The following FRAS1 variants were observed in gnomAD, a reference collection of about 807,000 sequenced individuals.
FRAS1 encodes the protein extracellular matrix organizing protein FRAS1.
In FRAS1, 290 loss-of-function variants were observed where a neutral mutation model predicts 435.2. That is an observed-to-expected ratio of 0.67 (90% CI 0.61 to 0.73). The LOEUF (loss-of-function observed/expected upper bound fraction) is 0.73, where lower values mean the gene tolerates loss of function less well. Ranked by LOEUF, FRAS1 falls within the 30% of genes least tolerant of loss-of-function variation. The pLI, the probability that FRAS1 is intolerant of heterozygous loss-of-function variation, is 0.00. For missense variants in FRAS1, 4,860 were observed against 5,001.5 expected (o/e 0.97, Z 0.85); for synonymous variants, 1,800 against 1,851.0 (o/e 0.97, Z 0.71).
At chr4:78,249,126 C>A (rs1469213775) in intron 4 of FRAS1, among the ~76,000 whole-genome samples, 2 of 75,098 alleles carry the variant, frequency 2.7e-5, no homozygotes, top group Non-Finnish European at 6.0e-5. Flanking sequence ...GGGTGTGTTG[C>A]ATGCATAATC....
intron 20 of FRAS1, among the ~76,000 whole-genome samples, chr4:78,339,300 C>T (rs532749739): frequency 1.3e-5 from 2 of 152,126 alleles, no homozygotes; most frequent in African/African-American, 4.8e-5. Context: ...GTGGCTAAAG[C>T]GTATTGGTGG....
chr4:78,169,374 G>A (rs1721460493), intron 2 of FRAS1, among the ~76,000 whole-genome samples: 1 of 152,060 alleles, frequency 6.6e-6, no homozygotes, highest in Non-Finnish European at 1.5e-5. Flanking sequence ...GGATGGCATT[G>A]TTAGTGTGCT....
At chr4:78,539,907 C>G (rs1721997158) in intron 73 of FRAS1, among the ~76,000 whole-genome samples, 1 of 152,072 alleles carries the variant, frequency 6.6e-6, no homozygotes, top group Non-Finnish European at 1.5e-5. Context: ...CTTTTTTTGT[C>G]TCTAAATATT....
chr4:78,306,696 C>G (rs1189471723), intron 14 of FRAS1, among the ~76,000 whole-genome samples: 31 of 150,494 alleles, frequency 2.1e-4, no homozygotes. Flanking sequence ...GTTCTCGAGC[C>G]TTGGTTTTCA....
At chr4:78,264,800 A>G (rs1726271268) in intron 6 of FRAS1, 1 of 613,556 alleles carries the variant, frequency 1.6e-6, no homozygotes, top group East Asian at 3.0e-5. Context: ...TGTTTTTAAA[A>G]TAAGACAGGA....
rs142053623 is a variant in FRAS1, at chr4:78,456,279, A to C, written c.6763+3925A>C. Reference sequence around the variant, plus strand: ...TGCCTCAGCCTCCCAAATGGCTGGGATTACAGGCACACACCCCCACACCTG... The same window carrying C: ...TGCCTCAGCCTCCCAAATGGCTGGGCTTACAGGCACACACCCCCACACCTG... On this transcript the variant is annotated intron_variant, in intron 47 of 73. Transcript: ENST00000512123. Among the ~76,000 whole-genome samples, 161 of 151,244 alleles carry C rather than the reference A, an allele frequency of 1.1e-3. 1 individual carries two copies. The highest frequency in any genetic ancestry group is 3.9e-3 in the African/African-American group (160 of 41,156).
chr4:78,078,130 C>A (rs2109870743), intron 2 of FRAS1, among the ~76,000 whole-genome samples: 1 of 152,176 alleles, frequency 6.6e-6, no homozygotes, highest in East Asian at 1.9e-4. Context: ...TATGTCAATA[C>A]ACAGTTCTAT....
intron 28 of FRAS1, among the ~76,000 whole-genome samples, chr4:78,384,354 G>A (rs1044211611): frequency 6.6e-6 from 1 of 152,114 alleles, no homozygotes; most frequent in Non-Finnish European, 1.5e-5. Context: ...AGTACTTAGT[G>A]TTATAGTCTT....
chr4:78,102,906 C>A (rs181676078), intron 2 of FRAS1, among the ~76,000 whole-genome samples: 1 of 152,130 alleles, frequency 6.6e-6, no homozygotes, highest in Non-Finnish European at 1.5e-5. Context: ...GATAACAAAA[C>A]GCTTTTGGAA....
chr4:78,223,928 ACAG>A (rs1395591621), intron 2 of FRAS1, among the ~76,000 whole-genome samples: 2 of 152,194 alleles, frequency 1.3e-5, no homozygotes, highest in African/African-American at 2.4e-5. Context: ...GTTGTGTAGT[ACAG>A]TTTTGTTACT....
chr4:78,342,738 T>A (rs970838596), intron 20 of FRAS1, among the ~76,000 whole-genome samples: 1 of 152,158 alleles, frequency 6.6e-6, no homozygotes, highest in East Asian at 1.9e-4. Context: ...TTTTAAACAA[T>A]GCTTTGAGTT....
At chr4:78,400,610 C>G in intron 29 of FRAS1, 124 bp from the exon 30 acceptor site, 1 of 830,450 alleles carries the variant, frequency 1.2e-6, no homozygotes, top group South Asian at 1.9e-5. Context: ...GACTCTGAAG[C>G]TGTGAATCTC....
intron 45 of FRAS1, among the ~76,000 whole-genome samples, chr4:78,451,317 C>T (rs771017782): frequency 4.6e-5 from 7 of 152,146 alleles, no homozygotes; most frequent in South Asian, 2.1e-4. Context: ...CATGTTGCTC[C>T]GTGAACTGGG....
At chr4:78,374,594 G>T (rs1236573356) in intron 25 of FRAS1, among the ~76,000 whole-genome samples, 2 of 152,182 alleles carry the variant, frequency 1.3e-5, no homozygotes, top group Non-Finnish European at 1.5e-5. Flanking sequence ...AGAATTTTTA[G>T]TGTTTAGACT....
At chr4:78,320,768 AG>A (rs1454759426) in intron 18 of FRAS1, among the ~76,000 whole-genome samples, 3 of 152,014 alleles carry the variant, frequency 2.0e-5, no homozygotes, top group African/African-American at 7.2e-5. Context: ...GTGCACCCTG[AG>A]GTTTTTAGTG....
chr4:78,310,027 G>A (rs1407223616), intron 15 of FRAS1, among the ~76,000 whole-genome samples: 2 of 152,176 alleles, frequency 1.3e-5, no homozygotes, highest in Admixed American at 1.3e-4. Context: ...CTTGGGAGCT[G>A]CTTGCTTAAA....
chr4:78,495,515 T>A (rs1262890059), intron 59 of FRAS1, among the ~76,000 whole-genome samples: 1 of 152,178 alleles, frequency 6.6e-6, no homozygotes, highest in Non-Finnish European at 1.5e-5. Context: ...GTCTTAGTTA[T>A]ATATTTTATG....
At chr4:78,194,381 C>G (rs1022800679) in intron 2 of FRAS1, among the ~76,000 whole-genome samples, 3 of 152,224 alleles carry the variant, frequency 2.0e-5, no homozygotes, top group African/African-American at 4.8e-5. Flanking sequence ...CAACTTGGTT[C>G]CATTCTCCCC....
intron 6 of FRAS1, among the ~76,000 whole-genome samples, chr4:78,257,332 A>C (rs755529418): frequency 1.6e-4 from 24 of 152,194 alleles, no homozygotes; most frequent in Non-Finnish European, 2.8e-4. Context: ...AGTAATGGCC[A>C]TTACCAAGGC....
Sources: gnomAD v4.1 joint callset for allele counts (sites outside exome capture counted in the v4.1 genomes callset) on GRCh38, gnomAD v4.1.1 for gene constraint, MANE v1.5 for transcripts, NCBI Gene and HGNC (gene_info 2026-07-23, HGNC 2026-07-21) for gene names.